Variants in SLC35F4 observed in about 807,000 individuals in gnomAD.
The protein encoded by SLC35F4 is chromosome 14 open reading frame 36.
In SLC35F4, 24 loss-of-function variants were observed where a neutral mutation model predicts 44.2. The ratio of observed to expected loss-of-function variants is 0.54; its 90% confidence interval spans 0.39 to 0.76. The LOEUF (loss-of-function observed/expected upper bound fraction) is 0.76. Among genes scored for constraint, SLC35F4 ranks in the 30% least tolerant of loss-of-function variants. SLC35F4 has a pLI of 0.00. For synonymous variants in SLC35F4, 238 were observed against 223.6 expected (o/e 1.06, Z -0.57); for missense variants, 562 against 586.1 (o/e 0.96, Z 0.42).
intron 1 of SLC35F4, among the ~76,000 whole-genome samples, chr14:57,924,804 T>C (rs1409615545): frequency 6.6e-6 from 1 of 152,030 alleles, no homozygotes; most frequent in Non-Finnish European, 1.5e-5. Flanking sequence ...TCTTTCTTCC[T>C]TTTCTTTTTG....
At chr14:57,965,259 T>C (rs1213239178) in intron 1 of SLC35F4, among the ~76,000 whole-genome samples, 1 of 152,152 alleles carries the variant, frequency 6.6e-6, no homozygotes, top group Non-Finnish European at 1.5e-5. Flanking sequence ...CCTTGAGTTA[T>C]TGTTCCTTCC....
chr14:57,948,148 G>C (rs1890068648), intron 1 of SLC35F4, among the ~76,000 whole-genome samples: 1 of 152,090 alleles, frequency 6.6e-6, no homozygotes, highest in Non-Finnish European at 1.5e-5. Flanking sequence ...AAATTCAACT[G>C]TGAATCCATC....
At chr14:57,687,295 A>G (rs1385418962) in intron 1 of SLC35F4, among the ~76,000 whole-genome samples, 1 of 152,202 alleles carries the variant, frequency 6.6e-6, no homozygotes, top group East Asian at 1.9e-4. Flanking sequence ...TCATAACCAT[A>G]TACAGGAACA....
At chr14:57,641,276 A>T (rs1021855080) in intron 1 of SLC35F4, among the ~76,000 whole-genome samples, 2 of 151,990 alleles carry the variant, frequency 1.3e-5, no homozygotes, top group African/African-American at 4.8e-5. Flanking sequence ...ATGACAAACA[A>T]CATTGTCTCT....
intron 3 of SLC35F4, among the ~76,000 whole-genome samples, chr14:57,588,558 A>G (rs12895395): frequency 0.31 from 47,434 of 151,848 alleles, 7,456 homozygotes; most frequent in Middle Eastern, 0.37. Context: ...TACAGAAGCC[A>G]GATTTAGTAC....
chr14:57,737,398 C>T (rs746088427), intron 1 of SLC35F4, among the ~76,000 whole-genome samples: 10 of 152,060 alleles, frequency 6.6e-5, no homozygotes, highest in Non-Finnish European at 1.2e-4. Context: ...GAACTGATGA[C>T]ACATATTTAT....
chr14:57,782,118 T>A (rs1237105717), intron 1 of SLC35F4, among the ~76,000 whole-genome samples: 1 of 152,238 alleles, frequency 6.6e-6, no homozygotes, highest in East Asian at 1.9e-4. Context: ...AATTACCTTT[T>A]AGTTATCAAG....
At chr14:57,858,916 T>C (rs1439349060) in intron 1 of SLC35F4, among the ~76,000 whole-genome samples, 2 of 140,442 alleles carry the variant, frequency 1.4e-5, no homozygotes, top group East Asian at 2.1e-4. Flanking sequence ...CTGGGCAACA[T>C]AGCAAAACCT....
At position 57,581,354 on chromosome 14, in the gene SLC35F4, A is replaced by G. The variant is rs1184601407; in HGVS notation, c.667T>C (p.Trp223Arg). Residue 223 changes from tryptophan to arginine, a missense_variant, in exon 4 of 8, where the codon TGG (tryptophan) becomes CGG (arginine). By Grantham distance (101) the Trp-to-Arg change is moderately radical. Transcript: ENST00000556826. Reference protein sequence around the residue: ...LKRTAPFSILWTLTNYLYLLA... With the variant: ...LKRTAPFSILRTLTNYLYLLA... Reference sequence around the variant, plus strand: ...AAATAAAGGTAATTAGTCAAAGTCCATAGAATAGAAAAGGGAGCAGTTCTT... The same window carrying G: ...AAATAAAGGTAATTAGTCAAAGTCCGTAGAATAGAAAAGGGAGCAGTTCTT... 1 of 1,613,542 alleles carries G rather than the reference A, an allele frequency of 6.2e-7. No homozygotes were observed. The highest frequency in any genetic ancestry group is 1.1e-5 in the South Asian group (1 of 90,926).
intron 4 of SLC35F4, chr14:57,580,655 G>T (rs558602528): frequency 1.6e-5 from 3 of 192,544 alleles, no homozygotes; most frequent in African/African-American, 7.1e-5. Context: ...GTTCAATTAA[G>T]GATTTGTATC....
intron 1 of SLC35F4, among the ~76,000 whole-genome samples, chr14:57,748,449 C>G (rs1427775297): frequency 6.6e-6 from 1 of 151,958 alleles, no homozygotes; most frequent in Non-Finnish European, 1.5e-5. Flanking sequence ...AGGTATGATT[C>G]AGGAACCACC....
intron 1 of SLC35F4, among the ~76,000 whole-genome samples, chr14:57,823,605 AT>A (rs1448468403): frequency 3.9e-5 from 6 of 152,268 alleles, no homozygotes; most frequent in African/African-American, 1.4e-4. Flanking sequence ...ATATTTTTCA[AT>A]GAAGGAATGA....
chr14:57,719,700 A>C (rs1239749913), intron 1 of SLC35F4, among the ~76,000 whole-genome samples: 1 of 152,032 alleles, frequency 6.6e-6, no homozygotes, highest in Non-Finnish European at 1.5e-5. Flanking sequence ...ATCAGTTCTA[A>C]TAGTTTTTTG....
chr14:57,931,682 C>A (rs1027258113), intron 1 of SLC35F4, among the ~76,000 whole-genome samples: 3 of 152,220 alleles, frequency 2.0e-5, no homozygotes, highest in Non-Finnish European at 4.4e-5. Context: ...TGGGAGAGCT[C>A]CAATTGCTGG....
intron 1 of SLC35F4, among the ~76,000 whole-genome samples, chr14:57,685,119 A>T (rs909806206): frequency 2.0e-5 from 3 of 152,218 alleles, no homozygotes; most frequent in Non-Finnish European, 4.4e-5. Flanking sequence ...CAGAAGAAGC[A>T]GATATTCAAA....
At chr14:57,916,741 T>A (rs1889337116) in intron 1 of SLC35F4, among the ~76,000 whole-genome samples, 1 of 152,208 alleles carries the variant, frequency 6.6e-6, no homozygotes, top group Non-Finnish European at 1.5e-5. Context: ...GGTGATGGGA[T>A]AATTTGTATC....
At chr14:57,929,992 G>A (rs917519955) in intron 1 of SLC35F4, among the ~76,000 whole-genome samples, 1 of 152,152 alleles carries the variant, frequency 6.6e-6, no homozygotes, top group Non-Finnish European at 1.5e-5. Context: ...TTCAGAGAGA[G>A]CATGTTTCAT....
At chr14:57,931,738 T>C (rs886963979) in intron 1 of SLC35F4, among the ~76,000 whole-genome samples, 1 of 152,218 alleles carries the variant, frequency 6.6e-6, no homozygotes, top group Admixed American at 6.5e-5. Context: ...ATCTCACAGC[T>C]GCTTCTCTTT....
intron 1 of SLC35F4, among the ~76,000 whole-genome samples, chr14:57,760,755 GT>G (rs982879126): frequency 3.3e-4 from 50 of 152,190 alleles, no homozygotes; most frequent in Non-Finnish European, 6.6e-4. Flanking sequence ...TAAATTATGA[GT>G]TTTTTTCTGT....
Sources: allele counts gnomAD v4.1 joint callset (sites outside exome capture counted in the v4.1 genomes callset), GRCh38; gene constraint gnomAD v4.1.1; transcripts MANE v1.5; gene names NCBI Gene and HGNC (gene_info 2026-07-23, HGNC 2026-07-21).